SGCZ: variants seen among roughly 807,000 people sequenced by gnomAD.
The protein encoded by SGCZ is zeta-sarcoglycan.
Under a neutral mutation model 41.3 loss-of-function variants are expected in SGCZ, and 40 were observed. The observed-to-expected ratio is 0.97, with a 90% confidence interval of 0.75 to 1.26. SGCZ has a LOEUF of 1.26. Ranked by LOEUF, SGCZ falls within the 50% of genes most tolerant of loss-of-function variation. The probability of loss-of-function intolerance (pLI) is 0.00; values close to 1 mark genes in which losing one functional copy is unlikely to be tolerated. For missense variants in SGCZ, 552 were observed against 369.8 expected, an observed-to-expected ratio of 1.49 and a Z score of -4.04; for synonymous variants, 206 against 137.5, an observed-to-expected ratio of 1.50 and a Z score of -3.49.
At chr8:14,313,597 A>G (rs1022574269) in intron 3 of SGCZ, among the ~76,000 whole-genome samples, 4 of 152,168 alleles carry the variant, frequency 2.6e-5, no homozygotes, top group Admixed American at 6.5e-5. Flanking sequence ...TGGCCTCCCA[A>G]AGTTCTGGGA....
At chr8:14,223,711 T>C (rs1000940142) in intron 4 of SGCZ, among the ~76,000 whole-genome samples, 2 of 152,188 alleles carry the variant, frequency 1.3e-5, no homozygotes, top group African/African-American at 4.8e-5. Context: ...ACCACCTGCC[T>C]ATTCTGATAA....
chr8:14,930,733 G>A (rs996246783), intron 1 of SGCZ, among the ~76,000 whole-genome samples: 14 of 151,986 alleles, frequency 9.2e-5, no homozygotes, highest in African/African-American at 3.1e-4. Flanking sequence ...GACTAACACA[G>A]GAACAGAAAA....
At chr8:14,091,533 G>T (rs928537878) in intron 7 of SGCZ, among the ~76,000 whole-genome samples, 1 of 152,060 alleles carries the variant, frequency 6.6e-6, no homozygotes, top group Non-Finnish European at 1.5e-5. Flanking sequence ...GGCCTGAGAT[G>T]GTATCCCATT....
intron 1 of SGCZ, among the ~76,000 whole-genome samples, chr8:14,611,398 G>A (rs1375624458): frequency 1.3e-5 from 2 of 152,104 alleles, no homozygotes; most frequent in Non-Finnish European, 2.9e-5. Context: ...GACACTTTTA[G>A]AGATTATGGC....
chr8:14,980,738 A>G (rs1480074880), intron 1 of SGCZ, among the ~76,000 whole-genome samples: 4 of 59,588 alleles, frequency 6.7e-5, no homozygotes, highest in Non-Finnish European at 1.0e-4. Flanking sequence ...TGATTCAATC[A>G]TCTCCCACTG....
intron 1 of SGCZ, among the ~76,000 whole-genome samples, chr8:15,190,177 C>T (rs550980027): frequency 3.3e-5 from 5 of 152,164 alleles, no homozygotes; most frequent in African/African-American, 7.2e-5. Flanking sequence ...ATAACACCAA[C>T]GGCAAAATCC....
At chr8:14,091,603 G>T (rs532023023) in intron 7 of SGCZ, among the ~76,000 whole-genome samples, 3 of 152,074 alleles carry the variant, frequency 2.0e-5, no homozygotes, top group Non-Finnish European at 1.5e-5. Context: ...TCATGTGTCT[G>T]TTGGCTGCAT....
intron 1 of SGCZ, among the ~76,000 whole-genome samples, chr8:15,159,978 C>G (rs949841558): frequency 8.6e-5 from 13 of 151,830 alleles, no homozygotes; most frequent in African/African-American, 3.1e-4. Flanking sequence ...GACAGAACAG[C>G]AGCATCAAGA....
intron 1 of SGCZ, among the ~76,000 whole-genome samples, chr8:14,590,896 T>A (rs1466738186): frequency 6.7e-6 from 1 of 149,216 alleles, no homozygotes; most frequent in South Asian, 2.1e-4. Flanking sequence ...ATGTCATATA[T>A]TATAAAGTAC....
At chr8:14,604,139 C>T (rs1221056354) in intron 1 of SGCZ, among the ~76,000 whole-genome samples, 1 of 151,812 alleles carries the variant, frequency 6.6e-6, no homozygotes, top group East Asian at 1.9e-4. Context: ...CATGAAAAAA[C>T]ACTTATCAAA....
chr8:14,378,159 G>A (rs1380835503), intron 2 of SGCZ, among the ~76,000 whole-genome samples: 3 of 150,220 alleles, frequency 2.0e-5, no homozygotes, highest in African/African-American at 7.5e-5. Flanking sequence ...GTGTAAAAGT[G>A]TTCCTATTTC....
intron 1 of SGCZ, among the ~76,000 whole-genome samples, chr8:14,611,075 A>G (rs1377948242): frequency 2.0e-5 from 3 of 152,210 alleles, no homozygotes; most frequent in African/African-American, 7.2e-5. Context: ...GTAAAATAAT[A>G]ATAATCAGCT....
intron 5 of SGCZ, among the ~76,000 whole-genome samples, chr8:14,133,743 G>C (rs959044315): frequency 1.3e-5 from 2 of 152,018 alleles, no homozygotes; most frequent in African/African-American, 4.8e-5. Flanking sequence ...ACTTTTGACA[G>C]TTTCTGCTTT....
At chr8:14,452,869 G>C (rs1376183011) in intron 2 of SGCZ, among the ~76,000 whole-genome samples, 1 of 152,092 alleles carries the variant, frequency 6.6e-6, no homozygotes, top group East Asian at 1.9e-4. Context: ...TTGGGAGGCT[G>C]AGACAGCTGG....
chr8:14,739,597 A>AT (rs1222046371), intron 1 of SGCZ, among the ~76,000 whole-genome samples: 4 of 152,082 alleles, frequency 2.6e-5, no homozygotes, highest in Non-Finnish European at 5.9e-5. Context: ...GTATTACTCA[A>AT]TTTTAATGTA....
intron 1 of SGCZ, among the ~76,000 whole-genome samples, chr8:14,626,828 G>C (rs1391765845): frequency 6.6e-6 from 1 of 152,174 alleles, no homozygotes; most frequent in Non-Finnish European, 1.5e-5. Flanking sequence ...AGAACTGAGA[G>C]ACCATCAATT....
intron 2 of SGCZ, among the ~76,000 whole-genome samples, chr8:14,425,200 C>A (rs183827066): frequency 1.3e-5 from 2 of 152,094 alleles, no homozygotes; most frequent in East Asian, 1.9e-4. Flanking sequence ...GCCAAGAAAT[C>A]GAATCAGAGT....
At chr8:14,476,638 C>G (rs947546335) in intron 2 of SGCZ, among the ~76,000 whole-genome samples, 6 of 152,042 alleles carry the variant, frequency 3.9e-5, no homozygotes, top group African/African-American at 1.4e-4. Flanking sequence ...ATTTATTGAG[C>G]AATTTCTATG....
chr8:15,107,189 A>T (rs971142063), intron 1 of SGCZ, among the ~76,000 whole-genome samples: 8 of 152,136 alleles, frequency 5.3e-5, no homozygotes, highest in Non-Finnish European at 1.2e-4. Context: ...TTTTGTTATC[A>T]TGCTCTGCTG....
Sources: allele counts gnomAD v4.1 joint callset (sites outside exome capture counted in the v4.1 genomes callset), GRCh38; gene constraint gnomAD v4.1.1; transcripts MANE v1.5; gene names NCBI Gene and HGNC (gene_info 2026-07-23, HGNC 2026-07-21).